EDEM2: variants seen among roughly 807,000 people sequenced by gnomAD.
EDEM2 encodes ER degradation enhancing alpha-mannosidase like protein 2, also known as ER degradation-enhancing alpha-mannosidase-like protein 2.
In EDEM2, 39 loss-of-function variants were observed where a neutral mutation model predicts 64.8. The ratio of observed to expected loss-of-function variants is 0.60; its 90% CI spans 0.47 to 0.79. The LOEUF is 0.79. Ranked by LOEUF, EDEM2 falls within the 30% of genes least tolerant of loss-of-function variation. The pLI is 0.00. For missense variants in EDEM2, 609 were observed against 731.3 expected (o/e 0.83, Z 1.93); for synonymous variants, 296 against 291.5 (o/e 1.02, Z -0.16).
intron 5 of EDEM2, 96 bp from the exon 6 acceptor site, chr20:35,135,045 C>T: frequency 1.7e-6 from 2 of 1,207,148 alleles, no homozygotes; most frequent in Non-Finnish European, 2.4e-6. Flanking sequence ...CAGCACTTCC[C>T]TCTTTCTCCT....
At chr20:35,140,748 T>C (rs1286289516) in intron 4 of EDEM2, among the ~76,000 whole-genome samples, 1 of 151,952 alleles carries the variant, frequency 6.6e-6, no homozygotes, top group African/African-American at 2.4e-5. Flanking sequence ...AATTTCCATA[T>C]TAGTAAGAGG....
intron 6 of EDEM2, among the ~76,000 whole-genome samples, chr20:35,132,924 G>A (rs560107233): frequency 3.9e-5 from 6 of 152,278 alleles, no homozygotes; most frequent in Admixed American, 1.3e-4. Flanking sequence ...ACTGTTCCGC[G>A]TTGGTTTGTG....
chr20:35,136,408 C>G (rs1175192500), intron 5 of EDEM2, among the ~76,000 whole-genome samples: 6 of 152,142 alleles, frequency 3.9e-5, no homozygotes, highest in Non-Finnish European at 7.4e-5. Context: ...AGACCTGAAC[C>G]TAGCTCACCC....
intron 10 of EDEM2, 29 bp from the exon 11 acceptor site, chr20:35,115,962 G>C: frequency 1.2e-6 from 2 of 1,600,852 alleles, no homozygotes; most frequent in South Asian, 2.3e-5. Flanking sequence ...AAGCAAGCTG[G>C]AACACCATCA....
chr20:35,147,021 T>G, intron 1 of EDEM2, 86 bp from the exon 2 acceptor site: 1 of 1,556,128 alleles, frequency 6.4e-7, no homozygotes, highest in East Asian at 2.4e-5. Context: ...AAAGTGGGAA[T>G]CACTAGCTGA....
chr20:35,127,155 G>A (rs192245024), intron 7 of EDEM2, among the ~76,000 whole-genome samples: 95 of 152,290 alleles, frequency 6.2e-4, no homozygotes, highest in South Asian at 2.1e-3. Context: ...CCTGCACCAT[G>A]TAAGATGTGC....
chr20:35,123,955 G>C lies in EDEM2; in HGVS notation c.1049C>G (p.Pro350Arg), dbSNP rs780339064. 1 of 1,614,132 alleles carries C rather than the reference G, an allele frequency of 6.2e-7. No homozygotes were observed. The highest frequency in any genetic ancestry group is 8.5e-7 in the Non-Finnish European group (1 of 1,180,030). Residue 350 changes from proline to arginine, a missense_variant, in exon 9 of 11, where the codon CCG becomes CGG. Coordinates refer to ENST00000374492, the MANE Select transcript of EDEM2 (RefSeq NM_018217.3). ...TCCCTGAGGAATGTTGTAGAATTCC[G>C]GGAGCCCCCCAAACTGCTTCCATAC... is the stretch of plus-strand genomic sequence containing the variant. Reference protein sequence around the residue: ...YTVWKQFGGLPEFYNIPQGYT... With the variant: ...YTVWKQFGGLREFYNIPQGYT...
chr20:35,115,513 C>A lies in EDEM2; in HGVS notation c.1657G>T (p.Val553Phe), dbSNP rs372897901. ...TGACTGGGGCAGCTGAGAAGTGGGA[C>A]CTTCTGTTTGGCAGGCTTCCTCTCC... ...ARERKPAKQK[V>F]PLLSCPSQPF... The change falls in exon 11 of 11, where the codon GTC becomes TTC. Residue 553 changes from valine to phenylalanine, a missense_variant. Val to Phe is a conservative substitution (Grantham distance 50). Coordinates refer to ENST00000374492, the MANE Select transcript of EDEM2 (RefSeq NM_018217.3). The A allele has an allele frequency of 8.1e-6, 13 of 1,614,020 alleles. No individual in the cohort carries two copies. In the African/African-American group the frequency reaches 1.2e-4, roughly 15 times the overall value.
rs543098603 is a variant in EDEM2 at position 35,128,839 on chromosome 20, A to G, written c.845-2464T>C. Reference sequence around the variant, plus strand: ...AAAAACAGAAAAAAACTTAGAGAATAAGGATATAAATAAAATATTTCTGTA... The same window carrying G: ...AAAAACAGAAAAAAACTTAGAGAATGAGGATATAAATAAAATATTTCTGTA... On this transcript the variant is annotated intron_variant, in intron 7 of 10. Coordinates refer to ENST00000374492, the MANE Select transcript of EDEM2 (RefSeq NM_018217.3). Among the ~76,000 whole-genome samples, 12 of 151,082 alleles carry G rather than the reference A, an allele frequency of 7.9e-5. No individual in the cohort carries two copies. In the South Asian group the frequency reaches 2.1e-3, roughly 26 times the overall value.
chr20:35,118,734 GCAGACC>G lies in EDEM2; in HGVS notation c.1115-21_1115-16del. 2 of 1,611,508 alleles carry G rather than the reference GCAGACC, an allele frequency of 1.2e-6. No homozygotes were observed. Among genetic ancestry groups the G allele is most frequent in the Non-Finnish European group, 1.7e-6 (2 of 1,179,536 alleles). ...TTCAATAAGTTCTGCAAAGTCCAAAGCAGACCCTCCTCACTCAGTGGCTGCACAGAG... is the reference window on the plus strand; with the variant it reads ...TTCAATAAGTTCTGCAAAGTCCAAAGCTCCTCACTCAGTGGCTGCACAGAG... On this transcript the variant is annotated splice_polypyrimidine_tract_variant and intron_variant, in intron 9 of 10. Transcript: ENST00000374492.
chr20:35,127,455 A>C (rs1339352345), intron 7 of EDEM2, among the ~76,000 whole-genome samples: 3 of 152,112 alleles, frequency 2.0e-5, no homozygotes, highest in Admixed American at 6.5e-5. Flanking sequence ...TATCCCTCAT[A>C]TCTCTCCCCT....
At chr20:35,145,657 G>A (rs546670704) in intron 2 of EDEM2, among the ~76,000 whole-genome samples, 1 of 152,302 alleles carries the variant, frequency 6.6e-6, no homozygotes, top group South Asian at 2.1e-4. Context: ...AGGGCCACAA[G>A]GGAACTTTTT....
intron 7 of EDEM2, among the ~76,000 whole-genome samples, chr20:35,127,887 A>T (rs1206614646): frequency 6.6e-6 from 1 of 152,204 alleles, no homozygotes; most frequent in East Asian, 1.9e-4. Context: ...ACCACAGCCT[A>T]AAGATATCAC....
At chr20:35,141,657 T>C (rs2085655980) in intron 4 of EDEM2, among the ~76,000 whole-genome samples, 2 of 152,182 alleles carry the variant, frequency 1.3e-5, no homozygotes. Flanking sequence ...AGAGGTTCGA[T>C]GCAAATAAGG....
rs562531865 is a variant in EDEM2 at position 35,131,855 on chromosome 20, C to T, written c.703-72G>A. On this transcript the variant is annotated intron_variant, in intron 6 of 10. Coordinates refer to ENST00000374492, the MANE Select transcript of EDEM2 (RefSeq NM_018217.3). ...AAAGAAGGATCTACTCACCCCCAAC[C>T]CTGACTGCCCAGGGAGATGCAGGGC... 37 of 1,557,782 alleles carry T rather than the reference C, an allele frequency of 2.4e-5. No homozygotes were observed. In the African/African-American group the frequency reaches 3.8e-4, roughly 16 times the overall value.
At chr20:35,124,093 C>T (rs2085401601) in intron 8 of EDEM2, 59 bp from the exon 9 acceptor site, 1 of 1,568,290 alleles carries the variant, frequency 6.4e-7, no homozygotes, top group Admixed American at 1.8e-5. Flanking sequence ...CCACAGACAA[C>T]CTTAAGAAAA....
At chr20:35,123,796 T>A (rs1376844866) in intron 9 of EDEM2, 94 bp downstream of exon 9, 8 of 1,444,862 alleles carry the variant, frequency 5.5e-6, no homozygotes, top group Non-Finnish European at 4.7e-6. Context: ...AATGAACTTG[T>A]GGGCAGTTGT....
At chr20:35,142,526 G>T in intron 3 of EDEM2, 48 bp from the exon 4 acceptor site, 1 of 1,419,498 alleles carries the variant, frequency 7.0e-7, no homozygotes. Context: ...CATGCATGGA[G>T]GCAGATTCAG....
At chr20:35,125,639 C>T (rs964971111) in intron 8 of EDEM2, among the ~76,000 whole-genome samples, 2 of 152,204 alleles carry the variant, frequency 1.3e-5, no homozygotes, top group African/African-American at 2.4e-5. Context: ...CTGCCTCGGC[C>T]TGCCAAAGCG....
Sources: gnomAD v4.1 joint callset for allele counts (sites outside exome capture counted in the v4.1 genomes callset) on GRCh38, gnomAD v4.1.1 for gene constraint, MANE v1.5 for transcripts, NCBI Gene and HGNC (gene_info 2026-07-23, HGNC 2026-07-21) for gene names.